The following FAM174A variants were observed in gnomAD, a reference collection of about 807,000 sequenced individuals.
The protein encoded by FAM174A is family with sequence similarity 174 member A, also known as membrane protein FAM174A.
In FAM174A, 14 loss-of-function variants were observed where a neutral mutation model predicts 14.3. That is an observed-to-expected ratio of 0.98 (90% CI 0.65 to 1.53). The LOEUF is 1.53. Among genes scored for constraint, FAM174A ranks in the 40% most tolerant of loss-of-function variants. The probability of loss-of-function intolerance (pLI) is 0.00; values close to 1 mark genes in which losing one functional copy is unlikely to be tolerated. For synonymous variants in FAM174A, 108 were observed against 111.4 expected (o/e 0.97, Z 0.19); for missense variants, 241 against 249.6 (o/e 0.97, Z 0.23).
chr5:100,567,704 A>G (rs1746693441), intron 2 of FAM174A, among the ~76,000 whole-genome samples: 1 of 139,390 alleles, frequency 7.2e-6, no homozygotes, highest in Admixed American at 7.5e-5. Flanking sequence ...CTCATTTTGT[A>G]TTTATCTGAT....
chr5:100,550,733 C>G lies in FAM174A; in HGVS notation c.435-11321C>G, dbSNP rs576253543. Reference sequence around the variant, plus strand: ...AGGTTTGTGACCTAGTTAGGTAGAACAGAAAAGGGTTTCCTGAGGAAGTTA... The same window carrying G: ...AGGTTTGTGACCTAGTTAGGTAGAAGAGAAAAGGGTTTCCTGAGGAAGTTA... On this transcript the variant is annotated intron_variant, in intron 1 of 2. Coordinates refer to ENST00000312637, the MANE Select transcript of FAM174A (RefSeq NM_198507.3). Among the ~76,000 whole-genome samples the G allele has an allele frequency of 4.7e-4, 72 of 152,250 alleles. 1 individual carries two copies. The highest frequency in any genetic ancestry group is 1.7e-3 in the African/African-American group (71 of 41,556).
chr5:100,584,261 G>A (rs1747077047), intron 2 of FAM174A, among the ~76,000 whole-genome samples: 1 of 152,174 alleles, frequency 6.6e-6, no homozygotes, highest in African/African-American at 2.4e-5. Context: ...GCATTTGCAT[G>A]AAACAGTACT....
intron 2 of FAM174A, among the ~76,000 whole-genome samples, chr5:100,572,346 A>G (rs897219410): frequency 6.7e-6 from 1 of 149,048 alleles, no homozygotes; most frequent in African/African-American, 2.5e-5. Flanking sequence ...GGTGCGCTGC[A>G]CCCACTAACT....
intron 2 of FAM174A, among the ~76,000 whole-genome samples, chr5:100,578,910 TAGC>T (rs1372525461): frequency 6.6e-6 from 1 of 151,826 alleles, no homozygotes; most frequent in Non-Finnish European, 1.5e-5. Flanking sequence ...CTATTAAGCT[TAGC>T]AGCATGCATA....
chr5:100,551,211 A>G (rs1746255997), intron 1 of FAM174A, among the ~76,000 whole-genome samples: 1 of 152,212 alleles, frequency 6.6e-6, no homozygotes. Context: ...TGTGGCAGCC[A>G]TGGAGATACA....
chr5:100,581,796 C>T (rs1747022475), intron 2 of FAM174A, among the ~76,000 whole-genome samples: 1 of 152,118 alleles, frequency 6.6e-6, no homozygotes, highest in Non-Finnish European at 1.5e-5. Flanking sequence ...GAATGAAATA[C>T]TCTAAATGAG....
chr5:100,535,432 G>C lies in FAM174A; in HGVS notation c.-99G>C. The C allele has an allele frequency of 2.2e-6, 3 of 1,347,034 alleles. No individual in the cohort carries two copies. The highest frequency in any genetic ancestry group is 3.1e-6 in the Non-Finnish European group (3 of 973,856). The allele number at this position is 1,347,034 out of a possible 1,614,324, so 83.4% of individuals were successfully genotyped here. On this transcript the variant is annotated 5_prime_UTR_variant, in exon 1 of 3. Coordinates refer to ENST00000312637, the MANE Select transcript of FAM174A (RefSeq NM_198507.3). ...CGACCGGGCCTCTCCCTGGCGTTTG[G>C]TCACCTCTGCTTCATTCTCCACCGC...
chr5:100,576,641 A>G (rs892543020), intron 2 of FAM174A, among the ~76,000 whole-genome samples: 1 of 152,138 alleles, frequency 6.6e-6, no homozygotes, highest in African/African-American at 2.4e-5. Context: ...GGTGGAATGG[A>G]TATTGAGTAG....
chr5:100,553,732 A>C (rs1196420729), intron 1 of FAM174A, among the ~76,000 whole-genome samples: 1 of 152,156 alleles, frequency 6.6e-6, no homozygotes, highest in Non-Finnish European at 1.5e-5. Flanking sequence ...ATTTACATAC[A>C]CATGTAAATT....
At position 100,535,925 on chromosome 5, in the gene FAM174A, G is replaced by A; in HGVS notation, c.395G>A (p.Ser132Asn). The change falls in exon 1 of 3, where the codon AGC (serine) becomes AAC (asparagine). Residue 132 changes from serine to asparagine, a missense_variant. Coordinates refer to ENST00000312637, the MANE Select transcript of FAM174A (RefSeq NM_198507.3). ...GCCCTGACCGTGTTGATGGTGGTGA[G>A]CGGCGCGGTGCTGGTGTACTTCGTG... Reference protein sequence around the residue: ...QRALTVLMVVSGAVLVYFVVR... With the variant: ...QRALTVLMVVNGAVLVYFVVR... The A allele has an allele frequency of 6.2e-7, 1 of 1,608,468 alleles. No homozygotes were observed. Among genetic ancestry groups the A allele is most frequent in the Non-Finnish European group, 8.5e-7 (1 of 1,176,688 alleles).
intron 2 of FAM174A, 26 bp from the exon 3 acceptor site, chr5:100,586,155 A>G (rs1408888933): frequency 1.6e-6 from 2 of 1,249,360 alleles, no homozygotes; most frequent in African/African-American, 1.5e-5. Context: ...AAGGATATTT[A>G]TGGTATTTTT....
chr5:100,545,158 T>C (rs1173562816), intron 1 of FAM174A, among the ~76,000 whole-genome samples: 1 of 152,212 alleles, frequency 6.6e-6, no homozygotes, highest in African/African-American at 2.4e-5. Context: ...TAATTTTATC[T>C]TTGGTGAAGA....
Position 100,576,644 on chromosome 5 carries a change from T to A in FAM174A, c.570-9537T>A, listed in dbSNP as rs376526877. On this transcript the variant is annotated intron_variant, in intron 2 of 2. Coordinates refer to ENST00000312637, the MANE Select transcript of FAM174A (RefSeq NM_198507.3). ...CTTACCAGTTGAGGTGGAATGGATA[T>A]TGAGTAGCTAACCACCGTTCCACCA... Among the ~76,000 whole-genome samples, 13 of 152,296 alleles carry A rather than the reference T, an allele frequency of 8.5e-5. No individual in the cohort carries two copies. In the East Asian group the frequency reaches 1.7e-3, roughly 20 times the overall value.
intron 1 of FAM174A, among the ~76,000 whole-genome samples, chr5:100,554,306 CTATCTTTTTTTTTTTT>C (rs1746319161): frequency 7.5e-6 from 1 of 133,804 alleles, no homozygotes; most frequent in African/African-American, 3.0e-5. Flanking sequence ...CTCTATTTTT[CTATCTTTTTTTTTTTT>C]TTTTTTTTTT....
At chr5:100,585,474 C>T (rs998381206) in intron 2 of FAM174A, among the ~76,000 whole-genome samples, 13 of 152,230 alleles carry the variant, frequency 8.5e-5, no homozygotes, top group African/African-American at 3.1e-4. Context: ...AATACGGTGG[C>T]ACAATCTCTG....
intron 2 of FAM174A, among the ~76,000 whole-genome samples, chr5:100,581,130 A>G (rs968477610): frequency 2.6e-5 from 4 of 152,006 alleles, no homozygotes; most frequent in Admixed American, 6.6e-5. Flanking sequence ...GGGTTTCACC[A>G]TGTTGGCCAG....
Position 100,556,894 on chromosome 5 carries a change from G to A in FAM174A, c.435-5160G>A, listed in dbSNP as rs1053541896. On this transcript the variant is annotated intron_variant, in intron 1 of 2. Transcript: ENST00000312637. ...ACAATCATGTCATCTGCAAACAGGG[G>A]CAATTTGACTTCCTCTTTGCCTAAT... 2.6e-5 allele frequency among the ~76,000 whole-genome samples: 4 copies of A among 151,998 alleles called. No homozygotes were observed. The East Asian group carries it at 5.8e-4, about 22-fold the overall frequency.
chr5:100,561,994 A>G, intron 1 of FAM174A, 60 bp from the exon 2 acceptor site: 1 of 920,044 alleles, frequency 1.1e-6, no homozygotes, highest in Non-Finnish European at 1.5e-6. Context: ...TATTTTATAA[A>G]TAAATATAAA....
intron 1 of FAM174A, among the ~76,000 whole-genome samples, chr5:100,546,837 C>G (rs1746173227): frequency 6.6e-6 from 1 of 152,170 alleles, no homozygotes; most frequent in Non-Finnish European, 1.5e-5. Flanking sequence ...TTTCTTCTCA[C>G]TGTCGACTGC....
Sources: gnomAD v4.1 joint callset for allele counts (sites outside exome capture counted in the v4.1 genomes callset) on GRCh38, gnomAD v4.1.1 for gene constraint, MANE v1.5 for transcripts, NCBI Gene and HGNC (gene_info 2026-07-23, HGNC 2026-07-21) for gene names.